Variants in WDR70 observed in about 807,000 individuals in gnomAD.
WDR70 encodes WD repeat-containing protein 70.
In WDR70, 53 loss-of-function variants were observed where a neutral mutation model predicts 88.6. That is an observed-to-expected ratio of 0.60 (90% CI 0.48 to 0.75). The LOEUF (loss-of-function observed/expected upper bound fraction) is 0.75. Among genes scored for constraint, WDR70 ranks in the 30% least tolerant of loss-of-function variants. The pLI is 0.00. For missense variants in WDR70, 610 were observed against 823.2 expected (o/e 0.74, Z 3.17); for synonymous variants, 280 against 270.0 (o/e 1.04, Z -0.36).
At chr5:37,434,699 T>C (rs1485181181) in intron 5 of WDR70, among the ~76,000 whole-genome samples, 1 of 152,208 alleles carries the variant, frequency 6.6e-6, no homozygotes, top group African/African-American at 2.4e-5. Flanking sequence ...TTGTTGTTAT[T>C]GGGTGTAGAC....
intron 6 of WDR70, among the ~76,000 whole-genome samples, chr5:37,442,532 A>G (rs879097587): frequency 1.3e-5 from 2 of 152,054 alleles, no homozygotes; most frequent in Admixed American, 1.3e-4. Context: ...CATGTTGGCC[A>G]GGCTGGTCTC....
intron 9 of WDR70, among the ~76,000 whole-genome samples, chr5:37,558,628 C>T (rs1190168103): frequency 1.3e-5 from 2 of 152,066 alleles, no homozygotes; most frequent in African/African-American, 4.8e-5. Context: ...ACCCAGCCCA[C>T]GTTGATTCTT....
intron 3 of WDR70, among the ~76,000 whole-genome samples, chr5:37,387,796 C>T (rs1748671564): frequency 6.6e-6 from 1 of 152,222 alleles, no homozygotes; most frequent in East Asian, 1.9e-4. Context: ...TACCATGAGA[C>T]AGTTTGACTT....
intron 9 of WDR70, among the ~76,000 whole-genome samples, chr5:37,557,854 T>C (rs1012155638): frequency 6.9e-6 from 1 of 144,766 alleles, no homozygotes; most frequent in African/African-American, 2.5e-5. Flanking sequence ...AAATTATTTA[T>C]ATTTTGTATT....
Position 37,752,540 on chromosome 5 carries a change from G to T in WDR70, c.1932G>T (p.Lys644Asn), listed in dbSNP as rs779778577. Residue 644 changes from lysine to asparagine, a missense_variant, in exon 18 of 18, where the codon AAG becomes AAT. By Grantham distance (94) the Lys-to-Asn change is moderately conservative (BLOSUM62 0). Transcript: ENST00000265107. Reference sequence around the variant, plus strand: ...TTGAATCTGATGATGAGGAAGCAAAGAATGAGCCAGAATGGAAAAAACGTA... The same window carrying T: ...TTGAATCTGATGATGAGGAAGCAAATAATGAGCCAGAATGGAAAAAACGTA... ...AQVESDDEEA[K>N]NEPEWKKRKI 3 of 1,612,560 alleles carry T rather than the reference G, an allele frequency of 1.9e-6. No homozygotes were observed. Among genetic ancestry groups the T allele is most frequent in the Non-Finnish European group, 2.5e-6 (3 of 1,179,338 alleles).
intron 9 of WDR70, among the ~76,000 whole-genome samples, chr5:37,519,514 GC>G (rs2112268380): frequency 6.9e-6 from 1 of 144,476 alleles, no homozygotes; most frequent in South Asian, 2.2e-4. Flanking sequence ...GGGCGGAGGC[GC>G]TCCTCACCTC....
In WDR70 at chr5:37,475,843, ATTTTTTTTT is replaced by A. The variant is rs35126157; in HGVS notation, c.687-3981_687-3973del. ...TACTGTCTTGTCTTTTGCATTACAT[ATTTTTTTTT>A]TTTTTTTTTGGAGATGGCATTTTGC... On this transcript the variant is annotated intron_variant, in intron 7 of 17. Coordinates refer to ENST00000265107, the MANE Select transcript of WDR70 (RefSeq NM_018034.4). Among the ~76,000 whole-genome samples the A allele has an allele frequency of 3.3e-5, 4 of 120,640 alleles. No individual in the cohort carries two copies. The East Asian group carries it at 7.2e-4, about 22-fold the overall frequency. The allele number at this position is 120,640 out of a possible 152,430, so 79.1% of individuals were successfully genotyped here.
intron 10 of WDR70, among the ~76,000 whole-genome samples, chr5:37,662,176 C>A (rs1229700332): frequency 6.6e-6 from 1 of 152,154 alleles, no homozygotes; most frequent in Admixed American, 6.5e-5. Context: ...TCATTAGGAA[C>A]AAAGTGCACT....
chr5:37,562,047 TTTTC>T (rs145325458), intron 9 of WDR70, among the ~76,000 whole-genome samples: 1,804 of 152,190 alleles, frequency 0.012, 48 homozygotes, highest in African/African-American at 0.041. Flanking sequence ...AAGTGAAAAT[TTTTC>T]TTTGTTTTTT....
At chr5:37,443,781 G>A (rs2112056079) in intron 7 of WDR70, among the ~76,000 whole-genome samples, 1 of 152,216 alleles carries the variant, frequency 6.6e-6, no homozygotes, top group South Asian at 2.1e-4. Context: ...TAGCCTGAGG[G>A]GTGGAGGTTG....
intron 4 of WDR70, among the ~76,000 whole-genome samples, chr5:37,395,260 C>T (rs1748975756): frequency 6.6e-6 from 1 of 152,078 alleles, no homozygotes; most frequent in Admixed American, 6.5e-5. Context: ...GTATAATAGT[C>T]CTCAGGTGTG....
chr5:37,636,222 AG>A (rs1380073169), intron 10 of WDR70, among the ~76,000 whole-genome samples: 5 of 54,566 alleles, frequency 9.2e-5, no homozygotes, highest in Admixed American at 4.9e-4. Context: ...TGACCGAATC[AG>A]GGGCAAGTCT....
intron 10 of WDR70, among the ~76,000 whole-genome samples, chr5:37,644,934 A>G (rs1581461000): frequency 6.6e-6 from 1 of 151,694 alleles, no homozygotes; most frequent in South Asian, 2.1e-4. Context: ...TTAAAAATCA[A>G]CTTTTCATTT....
chr5:37,635,627 T>A (rs1468803221), intron 10 of WDR70, among the ~76,000 whole-genome samples: 4 of 151,912 alleles, frequency 2.6e-5, no homozygotes, highest in African/African-American at 9.7e-5. Context: ...GTGAGAAAAA[T>A]TTCAGTAAAA....
At position 37,703,070 on chromosome 5, in the gene WDR70, A is replaced by G. The variant is rs200178044; in HGVS notation, c.1399A>G (p.Ile467Val). The G allele has an allele frequency of 2.5e-6, 4 of 1,611,610 alleles. No homozygotes were observed. The highest frequency in any genetic ancestry group is 2.7e-5 in the African/African-American group (2 of 75,020). Reference sequence around the variant, plus strand: ...TAGGACTTTCCAAAGGGTGTATGAAATAGACATCACAGATGCGGTACGTAT... The same window carrying G: ...TAGGACTTTCCAAAGGGTGTATGAAGTAGACATCACAGATGCGGTACGTAT... ...ERRTFQRVYE[I>V]DITDASVVRC... Residue 467 changes from isoleucine (I) to valine (V), a missense_variant, in exon 13 of 18, where the codon ATA becomes GTA. By Grantham distance (29) the Ile-to-Val change is conservative (BLOSUM62 3). Coordinates refer to ENST00000265107, the MANE Select transcript of WDR70 (RefSeq NM_018034.4).
rs1158424431 is a variant in WDR70, at chr5:37,611,200, G to T, written c.1092+5962G>T. 2.6e-5 allele frequency among the ~76,000 whole-genome samples: 4 copies of T among 151,740 alleles called. No homozygotes were observed. The East Asian group carries it at 7.7e-4, about 29-fold the overall frequency. ...TGTTAAATTTTCGTAATGCAGCTTT[G>T]AACATTTTTCTCTCACACCTCAAGT... On this transcript the variant is annotated intron_variant, in intron 10 of 17. Transcript: ENST00000265107.
At chr5:37,593,450 G>T (rs1474914361) in intron 9 of WDR70, among the ~76,000 whole-genome samples, 1 of 152,082 alleles carries the variant, frequency 6.6e-6, no homozygotes, top group African/African-American at 2.4e-5. Context: ...GTTTCCAGCT[G>T]CATCCATGCC....
chr5:37,673,912 C>A (rs967764831), intron 10 of WDR70, among the ~76,000 whole-genome samples: 1 of 152,076 alleles, frequency 6.6e-6, no homozygotes, highest in Non-Finnish European at 1.5e-5. Context: ...ATAATGGCCT[C>A]CACCTCCATC....
intron 8 of WDR70, among the ~76,000 whole-genome samples, chr5:37,499,532 A>T (rs938799): frequency 0.99 from 144,062 of 146,246 alleles, 70,969 homozygotes; most frequent in East Asian, 1. Context: ...GTTTTTTTTT[A>T]AAAATATATA....
Sources: gnomAD v4.1 joint callset for allele counts (sites outside exome capture counted in the v4.1 genomes callset) on GRCh38, gnomAD v4.1.1 for gene constraint, MANE v1.5 for transcripts, NCBI Gene and HGNC (gene_info 2026-07-23, HGNC 2026-07-21) for gene names.